The following FLRT2 variants were observed in gnomAD, a reference collection of about 807,000 sequenced individuals.
FLRT2 encodes the protein leucine-rich repeat transmembrane protein FLRT2.
In FLRT2, 15 loss-of-function variants were observed where a neutral mutation model predicts 40.0. The ratio of observed to expected loss-of-function variants is 0.38; its 90% CI spans 0.25 to 0.58. The LOEUF (loss-of-function observed/expected upper bound fraction) is 0.58, where lower values mean the gene tolerates loss of function less well. Ranked by LOEUF, FLRT2 falls within the 20% of genes least tolerant of loss-of-function variation. The pLI is 0.71. For missense variants in FLRT2, 726 were observed against 840.0 expected (o/e 0.86, Z 1.68); for synonymous variants, 380 against 336.8 (o/e 1.13, Z -1.41).
intron 1 of FLRT2, chr14:85,560,963 C>G (rs1325107388): frequency 6.6e-6 from 1 of 152,156 alleles, no homozygotes; most frequent in East Asian, 1.9e-4. Context: ...GTCACATTAT[C>G]ATAATTCCCC....
chr14:85,535,892 G>GTTTTTTTT (rs71454768), intron 1 of FLRT2, among the ~76,000 whole-genome samples: 14 of 57,854 alleles, frequency 2.4e-4, no homozygotes, highest in Admixed American at 4.5e-4. Flanking sequence ...AAGGAATGCT[G>GTTTTTTTT]TTTTTTTTTT....
intron 1 of FLRT2, among the ~76,000 whole-genome samples, chr14:85,564,391 G>A (rs139639137): frequency 3.3e-5 from 5 of 152,212 alleles, no homozygotes; most frequent in Non-Finnish European, 5.9e-5. Flanking sequence ...CAAATGAATC[G>A]TCTTAGAGAA....
At chr14:85,606,088 T>A (rs1316055134) in intron 1 of FLRT2, among the ~76,000 whole-genome samples, 3 of 152,228 alleles carry the variant, frequency 2.0e-5, no homozygotes, top group African/African-American at 7.2e-5. Flanking sequence ...CTTTTTGTAC[T>A]CCTAATATTG....
rs895093699 is a variant in FLRT2 at position 85,632,830 on chromosome 14, C to T, written c.*9333C>T. 4 of 152,212 alleles carry T rather than the reference C, an allele frequency of 2.6e-5. No individual in the cohort carries two copies. Among genetic ancestry groups the T allele is most frequent in the Admixed American group, 2.6e-4 (4 of 15,288 alleles). 9.4% of individuals were successfully genotyped at this position (152,212 alleles called of 1,614,324 possible). A position where few individuals can be genotyped will look rare whatever the true frequency, so the allele number is the denominator to read the frequency against. Reference sequence around the variant, plus strand: ...AAATCAAGCTGACTTACTTTGGAATCCTGCTTCAACCACTGACCTGCCAAT... The same window carrying T: ...AAATCAAGCTGACTTACTTTGGAATTCTGCTTCAACCACTGACCTGCCAAT... On this transcript the variant is annotated 3_prime_UTR_variant, in exon 2 of 2. Transcript: ENST00000330753.
At chr14:85,608,318 C>T (rs2139346630) in intron 1 of FLRT2, among the ~76,000 whole-genome samples, 1 of 152,074 alleles carries the variant, frequency 6.6e-6, no homozygotes, top group Non-Finnish European at 1.5e-5. Flanking sequence ...CAGCCTCCAC[C>T]TCCCGGGTTC....
At chr14:85,569,679 C>T (rs114470414) in intron 1 of FLRT2, among the ~76,000 whole-genome samples, 273 of 152,286 alleles carry the variant, frequency 1.8e-3, no homozygotes, top group African/African-American at 6.2e-3. Context: ...TTGGTTATCA[C>T]GGTTTGTTTT....
At chr14:85,561,023 CTTG>C (rs2139844474) in intron 1 of FLRT2, 1 of 152,256 alleles carries the variant, frequency 6.6e-6, no homozygotes, top group South Asian at 2.1e-4. Context: ...ATAATTTTAC[CTTG>C]TTAACGGCTC....
chr14:85,533,320 A>G (rs1046151291), intron 1 of FLRT2, among the ~76,000 whole-genome samples: 3 of 151,712 alleles, frequency 2.0e-5, no homozygotes, highest in Admixed American at 2.0e-4. Flanking sequence ...CGCGGCGCCT[A>G]CATTAGCCCG....
At chr14:85,560,763 G>A (rs1373622780) in intron 1 of FLRT2, 1 of 151,626 alleles carries the variant, frequency 6.6e-6, no homozygotes, top group Non-Finnish European at 1.5e-5. Flanking sequence ...AAATTAGAAG[G>A]CACAATATGC....
Position 85,654,358 on chromosome 14 carries a change from T to G in FLRT2, c.*30861T>G, listed in dbSNP as rs2139414956. 1 of 152,306 alleles carries G rather than the reference T, an allele frequency of 6.6e-6. No homozygotes were observed. Among genetic ancestry groups the G allele is most frequent in the Middle Eastern group, 3.4e-3 (1 of 294 alleles). The allele number at this position is 152,306 out of a possible 1,614,324, so 9.4% of individuals were successfully genotyped here. ...TACCCATATTCTTATCAGCCAGATCTAACTAATTTTACCATTTTCATATCT... is the reference window on the plus strand; with the variant it reads ...TACCCATATTCTTATCAGCCAGATCGAACTAATTTTACCATTTTCATATCT... On this transcript the variant is annotated 3_prime_UTR_variant, in exon 2 of 2. Transcript: ENST00000330753.
At chr14:85,541,358 G>T (rs1888975795) in intron 1 of FLRT2, among the ~76,000 whole-genome samples, 1 of 152,120 alleles carries the variant, frequency 6.6e-6, no homozygotes, top group Non-Finnish European at 1.5e-5. Context: ...CTCCACTTGA[G>T]GCCAGCTAGG....
chr14:85,597,485 A>AT (rs1415042088), intron 1 of FLRT2, among the ~76,000 whole-genome samples: 3 of 152,014 alleles, frequency 2.0e-5, no homozygotes, highest in Non-Finnish European at 2.9e-5. Flanking sequence ...CTGTGAGCTT[A>AT]TTTTTTTCTT....
At chr14:85,586,217 ATC>A (rs1420445292) in intron 1 of FLRT2, among the ~76,000 whole-genome samples, 1 of 151,336 alleles carries the variant, frequency 6.6e-6, no homozygotes, top group Non-Finnish European at 1.5e-5. Flanking sequence ...TTATCATTTT[ATC>A]TTCATTTTAC....
intron 1 of FLRT2, among the ~76,000 whole-genome samples, chr14:85,547,306 G>A (rs1889332092): frequency 6.9e-6 from 1 of 145,776 alleles, no homozygotes; most frequent in Non-Finnish European, 1.5e-5. Flanking sequence ...CAAATACTTT[G>A]TCTTTCTTTT....
chr14:85,550,313 T>C (rs117430951), intron 1 of FLRT2, among the ~76,000 whole-genome samples: 1,933 of 152,268 alleles, frequency 0.013, 24 homozygotes, highest in Middle Eastern at 0.024. Context: ...ATTCTAAGAA[T>C]GAGCATTTAC....
chr14:85,649,889 T>G lies in FLRT2; in HGVS notation c.*26392T>G, dbSNP rs1313045159. On this transcript the variant is annotated 3_prime_UTR_variant, in exon 2 of 2. Transcript: ENST00000330753. Reference sequence around the variant, plus strand: ...TCTGAAGAATGAAGCATTTCTGTCCTAGGTGATTATAAAGTTTGTTGCTAT... The same window carrying G: ...TCTGAAGAATGAAGCATTTCTGTCCGAGGTGATTATAAAGTTTGTTGCTAT... 2.6e-5 allele frequency: 4 copies of G among 152,098 alleles called. No individual in the cohort carries two copies. Among genetic ancestry groups the G allele is most frequent in the African/African-American group, 9.7e-5 (4 of 41,444 alleles). 9.4% of individuals were successfully genotyped at this position (152,098 alleles called of 1,614,324 possible).
chr14:85,542,355 C>G lies in FLRT2; in HGVS notation c.-377+11821C>G, dbSNP rs565312392. On this transcript the variant is annotated intron_variant, in intron 1 of 1. Transcript: ENST00000330753. Reference sequence around the variant, plus strand: ...GTTCCATTCAACATTTGAGATTTGCCCCTGTTTTTTTCAACACTGTGAATC... The same window carrying G: ...GTTCCATTCAACATTTGAGATTTGCGCCTGTTTTTTTCAACACTGTGAATC... 1.5e-4 allele frequency among the ~76,000 whole-genome samples: 23 copies of G among 151,594 alleles called. No homozygotes were observed. The East Asian group carries it at 4.5e-3, about 29-fold the overall frequency.
chr14:85,609,134 C>A (rs78704462), intron 1 of FLRT2, among the ~76,000 whole-genome samples: 1 of 152,134 alleles, frequency 6.6e-6, no homozygotes, highest in African/African-American at 2.4e-5. Flanking sequence ...CTTCCCAATC[C>A]GAACAAGCTT....
In FLRT2 at chr14:85,628,214, ATGT is replaced by A. The variant is rs1456097405; in HGVS notation, c.*4722_*4724del. ...ATCTTATTTTATACTGGTGAAATCT[ATGT>A]TGTTTAGGATACAGATAATGTCATT... On this transcript the variant is annotated 3_prime_UTR_variant, in exon 2 of 2. Transcript: ENST00000330753. 1 of 152,152 alleles carries A rather than the reference ATGT, an allele frequency of 6.6e-6. No homozygotes were observed. Among genetic ancestry groups the A allele is most frequent in the Non-Finnish European group, 1.5e-5 (1 of 68,038 alleles). The allele number at this position is 152,152 out of a possible 1,614,324, so 9.4% of individuals were successfully genotyped here.
Sources: gnomAD v4.1 joint callset for allele counts (sites outside exome capture counted in the v4.1 genomes callset) on GRCh38, gnomAD v4.1.1 for gene constraint, MANE v1.5 for transcripts, NCBI Gene and HGNC (gene_info 2026-07-23, HGNC 2026-07-21) for gene names.